Variants in COL10A1 observed in about 807,000 individuals in gnomAD.
The protein encoded by COL10A1 is collagen alpha-1(X) chain.
COL10A1 carries 10 observed loss-of-function variants against 18.2 expected under a neutral mutation model. The ratio of observed to expected loss-of-function variants is 0.55; its 90% CI spans 0.34 to 0.93. COL10A1 has a LOEUF of 0.93. COL10A1 is among the 40% of genes least tolerant of loss of function. The pLI, the probability that COL10A1 is intolerant of heterozygous loss-of-function variation, is 0.02. For missense variants in COL10A1, 897 were observed against 853.5 expected (o/e 1.05, Z -0.64); for synonymous variants, 330 against 316.6 (o/e 1.04, Z -0.45).
intron 1 of COL10A1, among the ~76,000 whole-genome samples, chr6:116,146,385 T>C (rs193230454): frequency 6.6e-6 from 1 of 152,078 alleles, no homozygotes; most frequent in Non-Finnish European, 1.5e-5. Flanking sequence ...CAACTTCAGA[T>C]AAAAGGGGTA....
At chr6:116,170,322 A>T in the COL10A1 span, among the ~76,000 whole-genome samples, 2 of 152,112 alleles carry the variant, frequency 1.3e-5, no homozygotes, top group South Asian at 4.1e-4. Context: ...TTTTAATTCA[A>T]AAGAAAGGGT....
At chr6:116,179,343 A>G in the COL10A1 span, among the ~76,000 whole-genome samples, 1 of 152,176 alleles carries the variant, frequency 6.6e-6, no homozygotes, top group Non-Finnish European at 1.5e-5. Context: ...AGATGTTAAT[A>G]CTTTCTTCAG....
At chr6:116,179,669 A>G in the COL10A1 span, among the ~76,000 whole-genome samples, 1 of 152,154 alleles carries the variant, frequency 6.6e-6, no homozygotes, top group African/African-American at 2.4e-5. Context: ...TTGAACAAGC[A>G]TTTGGCACTT....
chr6:116,132,619 A>G (rs917946961), intron 1 of COL10A1, among the ~76,000 whole-genome samples: 5 of 152,114 alleles, frequency 3.3e-5, no homozygotes, highest in Admixed American at 3.3e-4. Context: ...CTAGTTTATT[A>G]TGCACATCCC....
At chr6:116,161,324 T>G (rs1261564850), upstream of COL10A1, among the ~76,000 whole-genome samples, 1 of 151,932 alleles carries the variant, frequency 6.6e-6, no homozygotes, top group African/African-American at 2.4e-5. Context: ...ACATGTACCC[T>G]AAAACTTAAA....
intron 1 of COL10A1, among the ~76,000 whole-genome samples, chr6:116,141,230 T>A (rs890359121): frequency 1.3e-5 from 2 of 152,086 alleles, no homozygotes; most frequent in Non-Finnish European, 2.9e-5. Context: ...CTCTCTCAAA[T>A]ACCTGATTGT....
intron 1 of COL10A1, among the ~76,000 whole-genome samples, chr6:116,153,122 A>C (rs928505000): frequency 1.3e-5 from 2 of 151,964 alleles, no homozygotes; most frequent in Non-Finnish European, 2.9e-5. Context: ...TATATACACA[A>C]ATATATGTAT....
At chr6:116,126,799 G>T (rs148556235), upstream of COL10A1, among the ~76,000 whole-genome samples, 469 of 152,114 alleles carry the variant, frequency 3.1e-3, 2 homozygotes, top group African/African-American at 0.011. Context: ...ATTTACATAA[G>T]ATTGCTGTGT....
chr6:116,149,631 C>A (rs1327498141), intron 1 of COL10A1, among the ~76,000 whole-genome samples: 2 of 151,970 alleles, frequency 1.3e-5, no homozygotes, highest in Non-Finnish European at 2.9e-5. Context: ...ATTGTTTTTC[C>A]AAAAAAGCCC....
chr6:116,186,943 T>G, the COL10A1 span, among the ~76,000 whole-genome samples: 1 of 152,204 alleles, frequency 6.6e-6, no homozygotes, highest in East Asian at 1.9e-4. Context: ...TTAACCATGT[T>G]TGTCATATTA....
At chr6:116,125,827 A>G in intron 1 of COL10A1, 1 of 218,072 alleles carries the variant, frequency 4.6e-6, no homozygotes. Flanking sequence ...TAATAGTTTC[A>G]AAATACACTG....
intron 1 of COL10A1, 35 bp from the exon 2 acceptor site, chr6:116,125,542 T>A (rs1319628039): frequency 6.3e-7 from 1 of 1,583,918 alleles, no homozygotes; most frequent in Admixed American, 1.7e-5. Context: ...TATACAGCAT[T>A]GTTATTAACC....
At chr6:116,146,131 A>C (rs1313161812) in intron 1 of COL10A1, among the ~76,000 whole-genome samples, 1 of 152,228 alleles carries the variant, frequency 6.6e-6, no homozygotes, top group Non-Finnish European at 1.5e-5. Flanking sequence ...TAATGAAAAA[A>C]AACTTTCATG....
At chr6:116,144,722 G>C (rs1482960472) in intron 1 of COL10A1, among the ~76,000 whole-genome samples, 2 of 152,152 alleles carry the variant, frequency 1.3e-5, no homozygotes, top group Admixed American at 1.3e-4. Context: ...CCAGTAACAT[G>C]TTCCCTAAGG....
intron 1 of COL10A1, among the ~76,000 whole-genome samples, chr6:116,133,691 AC>A (rs776773017): frequency 3.9e-5 from 6 of 152,096 alleles, no homozygotes; most frequent in Non-Finnish European, 7.4e-5. Context: ...GTGTTACCTC[AC>A]CCACAGACCT....
rs143193454 is a variant in COL10A1 at position 116,123,922 on chromosome 6, G to A, written c.154+1417C>T. 2.6e-3 allele frequency among the ~76,000 whole-genome samples: 399 copies of A among 152,258 alleles called. 10 individuals are homozygous for A. The South Asian group carries it at 0.044, about 17-fold the overall frequency. ...GACTTTGTTATGCTCTTATTAAGGT[G>A]TTAAAAAGTCTGATTTTTGTGATCA... On this transcript the variant is annotated intron_variant, in intron 2 of 2. Transcript: ENST00000651968.
intron 2 of COL10A1, among the ~76,000 whole-genome samples, chr6:116,122,363 A>G (rs996647422): frequency 2.0e-5 from 3 of 152,198 alleles, no homozygotes; most frequent in Admixed American, 6.5e-5. Context: ...TCCCTCCCAA[A>G]GCTACCCTGT....
the COL10A1 span, among the ~76,000 whole-genome samples, chr6:116,203,276 T>C: frequency 6.6e-6 from 1 of 151,966 alleles, no homozygotes; most frequent in African/African-American, 2.4e-5. Flanking sequence ...ATGAAACTAT[T>C]ATGTCAGTTC....
chr6:116,212,152 A>G, the COL10A1 span, among the ~76,000 whole-genome samples: 7 of 152,116 alleles, frequency 4.6e-5, no homozygotes, highest in Admixed American at 1.3e-4. Flanking sequence ...CTCTGTCAAA[A>G]CAATTATCAG....
Sources: gnomAD v4.1 joint callset for allele counts (sites outside exome capture counted in the v4.1 genomes callset) on GRCh38, gnomAD v4.1.1 for gene constraint, MANE v1.5 for transcripts, NCBI Gene and HGNC (gene_info 2026-07-23, HGNC 2026-07-21) for gene names.